Variants in DUT observed in about 807,000 individuals in gnomAD.
DUT encodes deoxyuridine triphosphatase, also known as deoxyuridine 5'-triphosphate nucleotidohydrolase, mitochondrial.
DUT carries 21 observed loss-of-function variants against 28.8 expected under a neutral mutation model. The ratio of observed to expected loss-of-function variants is 0.73; its 90% CI spans 0.52 to 1.05. The LOEUF is 1.05. DUT is among the 50% of genes least tolerant of loss of function. DUT has a pLI of 0.00. For missense variants in DUT, 344 were observed against 351.8 expected (o/e 0.98, Z 0.18); for synonymous variants, 147 against 143.7 (o/e 1.02, Z -0.17).
rs1188599491 is a variant in DUT, at chr15:48,342,258, CAAA to C, written c.*181_*183del. On this transcript the variant is annotated 3_prime_UTR_variant, in exon 7 of 7. Transcript: ENST00000331200. ...AGGAAAAGATCATTAAAAAAAAACACAAAGAAGTTTTTCTTTGTGTTTGGATCA... is the reference window on the plus strand; with the variant it reads ...AGGAAAAGATCATTAAAAAAAAACACGAAGTTTTTCTTTGTGTTTGGATCA... 1.0e-4 allele frequency: 38 copies of C among 379,852 alleles called. No individual in the cohort carries two copies. In the East Asian group the frequency reaches 1.5e-3, roughly 15 times the overall value. 23.5% of individuals were successfully genotyped at this position (379,852 alleles called of 1,614,324 possible).
chr15:48,341,429 T>C (rs2042532401), intron 5 of DUT, 66 bp downstream of exon 5: 1 of 1,534,380 alleles, frequency 6.5e-7, no homozygotes, highest in Admixed American at 1.7e-5. Flanking sequence ...TGTAAATTAA[T>C]ATTGACTCCT....
intron 1 of DUT, 63 bp from the exon 2 acceptor site, chr15:48,332,205 C>T (rs1379173112): frequency 1.3e-6 from 2 of 1,523,030 alleles, no homozygotes; most frequent in Non-Finnish European, 1.8e-6. Flanking sequence ...TCATCGTGCG[C>T]TCTCCTCTTC....
intron 6 of DUT, 23 bp downstream of exon 6, chr15:48,341,608 C>A (rs118063825): frequency 6.9e-4 from 1,081 of 1,564,722 alleles, no homozygotes; most frequent in Non-Finnish European, 9.3e-4. Context: ...AAGGAAGATA[C>A]AGAATAAGTA....
chr15:48,334,762 C>T (rs1379023098), intron 3 of DUT, among the ~76,000 whole-genome samples: 1 of 152,194 alleles, frequency 6.6e-6, no homozygotes, highest in Non-Finnish European at 1.5e-5. Flanking sequence ...GTTCTCAGAA[C>T]ATGGCATTTT....
chr15:48,331,958 G>A, intron 1 of DUT, 163 bp downstream of exon 1: 1 of 876,252 alleles, frequency 1.1e-6, no homozygotes, highest in South Asian at 2.3e-5. Context: ...TCTAGTGTGT[G>A]AGGGCGACGC....
In DUT at chr15:48,342,626, TTG is replaced by T. The variant is rs1471268356; in HGVS notation, c.*551_*552del. On this transcript the variant is annotated 3_prime_UTR_variant, in exon 7 of 7. Coordinates refer to ENST00000331200, the MANE Select transcript of DUT (RefSeq NM_001025248.2). ...AACTTCTTTTTAATCTTAAGATTCT[TTG>T]TGATGAGGGTGAGAAAAAGAATCCT... 6.6e-6 allele frequency: 1 copy of T among 152,186 alleles called. No individual in the cohort carries two copies. The highest frequency in any genetic ancestry group is 1.5e-5 in the Non-Finnish European group (1 of 68,030). The allele number at this position is 152,186 out of a possible 1,614,324, so 9.4% of individuals were successfully genotyped here. A position where few individuals can be genotyped will look rare whatever the true frequency, so the allele number is the denominator to read the frequency against.
chr15:48,332,196 C>A, intron 1 of DUT, 72 bp from the exon 2 acceptor site: 1 of 1,508,582 alleles, frequency 6.6e-7, no homozygotes, highest in Non-Finnish European at 8.8e-7. Flanking sequence ...CGGCGACGCT[C>A]ATCGTGCGCT....
chr15:48,341,172 T>G, intron 4 of DUT, 117 bp from the exon 5 acceptor site: 1 of 635,138 alleles, frequency 1.6e-6, no homozygotes, highest in Non-Finnish European at 2.7e-6. Context: ...CAAGATTCAC[T>G]TATTCAATTG....
In DUT at chr15:48,332,227, T is replaced by A. The variant is rs556770488; in HGVS notation, c.281-41T>A. The stretch of plus-strand genomic sequence containing the variant: ...GCGCTCTCCTCTTCCCCCGGTGGTC[T>A]CCTCGCTCGCCTTCTGGCTCTGCCA... On this transcript the variant is annotated intron_variant, in intron 1 of 6. Coordinates refer to ENST00000331200, the MANE Select transcript of DUT (RefSeq NM_001025248.2). 1.5e-5 allele frequency: 24 copies of A among 1,556,184 alleles called. No individual in the cohort carries two copies. The South Asian group carries it at 2.8e-4, about 18-fold the overall frequency.
In DUT at chr15:48,342,138, GT is replaced by G. The variant is rs1555390724; in HGVS notation, c.*65del. On this transcript the variant is annotated 3_prime_UTR_variant, in exon 7 of 7. Transcript: ENST00000331200. ...CCTTTTTCTTAAAAAAAAAAAAAAA[GT>G]TTTTGCTTCAAGTGTTTTGGTGTTT... 8 of 986,942 alleles carry G rather than the reference GT, an allele frequency of 8.1e-6. No homozygotes were observed. The highest frequency in any genetic ancestry group is 1.1e-5 in the Non-Finnish European group (8 of 703,184). The allele number at this position is 986,942 out of a possible 1,614,324, so 61.1% of individuals were successfully genotyped here.
At position 48,331,526 on chromosome 15, in the gene DUT, T is replaced by G. The variant is rs754260188; in HGVS notation, c.11T>G (p.Leu4Arg). MTP[L>R]CPRPALCYHF... is the part of the protein sequence containing the mutation. Reference sequence around the variant, plus strand: ...CAAACTCTGGGGGAAATGACTCCCCTCTGCCCTCGCCCCGCGCTCTGCTAC... The same window carrying G: ...CAAACTCTGGGGGAAATGACTCCCCGCTGCCCTCGCCCCGCGCTCTGCTAC... Residue 4 changes from leucine (L) to arginine (R), a missense_variant, in exon 1 of 7, where the codon CTC becomes CGC. Coordinates refer to ENST00000331200, the MANE Select transcript of DUT (RefSeq NM_001025248.2). 6.2e-7 allele frequency: 1 copy of G among 1,611,820 alleles called. No individual in the cohort carries two copies. Among genetic ancestry groups the G allele is most frequent in the South Asian group, 1.1e-5 (1 of 90,890 alleles).
intron 2 of DUT, 190 bp downstream of exon 2, chr15:48,332,596 A>G: frequency 1.4e-6 from 1 of 695,772 alleles, no homozygotes; most frequent in Admixed American, 2.4e-5. Context: ...ACTGCAGAAT[A>G]AGTAAAATAG....
Position 48,342,644 on chromosome 15 carries a change from A to G in DUT, c.*566A>G, listed in dbSNP as rs1393005056. ...AGATTCTTTGTGATGAGGGTGAGAA[A>G]AAGAATCCTCAGTTTATTTTTCCAC... On this transcript the variant is annotated 3_prime_UTR_variant, in exon 7 of 7. Transcript: ENST00000331200. The G allele has an allele frequency of 6.6e-6, 1 of 152,168 alleles. No homozygotes were observed. The highest frequency in any genetic ancestry group is 1.5e-5 in the Non-Finnish European group (1 of 68,018). 9.4% of individuals were successfully genotyped at this position (152,168 alleles called of 1,614,324 possible).
intron 4 of DUT, among the ~76,000 whole-genome samples, chr15:48,339,631 A>G (rs540542657): frequency 6.6e-6 from 1 of 152,272 alleles, no homozygotes; most frequent in Non-Finnish European, 1.5e-5. Flanking sequence ...TTAATGGTCA[A>G]CTGACGGTGG....
chr15:48,342,172 C>A lies in DUT; in HGVS notation c.*94C>A. 1.2e-6 allele frequency: 1 copy of A among 808,196 alleles called. No homozygotes were observed. The highest frequency in any genetic ancestry group is 1.8e-6 in the Non-Finnish European group (1 of 553,358). The allele number at this position is 808,196 out of a possible 1,614,324, so 50.1% of individuals were successfully genotyped here. A position where few individuals can be genotyped will look rare whatever the true frequency, so the allele number is the denominator to read the frequency against. On this transcript the variant is annotated 3_prime_UTR_variant, in exon 7 of 7. Coordinates refer to ENST00000331200, the MANE Select transcript of DUT (RefSeq NM_001025248.2). ...TCAAGTGTTTTGGTGTTTTGCACTT[C>A]TGTAAACTTACTAGCTTTACCTTCT...
intron 2 of DUT, 41 bp downstream of exon 2, chr15:48,332,447 G>T (rs932325139): frequency 6.8e-7 from 1 of 1,462,732 alleles, no homozygotes; most frequent in Non-Finnish European, 9.1e-7. Flanking sequence ...GGAAGGGCCG[G>T]CCGTCCGCTG....
intron 6 of DUT, 101 bp downstream of exon 6, chr15:48,341,686 G>A: frequency 1.0e-6 from 1 of 987,006 alleles, no homozygotes; most frequent in Non-Finnish European, 1.5e-6. Context: ...TAACTAAATA[G>A]TATATATGAC....
Position 48,331,551 on chromosome 15 carries a change from C to G in DUT, c.36C>G (p.Tyr12Ter), listed in dbSNP as rs757839418. 6.2e-7 allele frequency: 1 copy of G among 1,611,166 alleles called. No homozygotes were observed. The highest frequency in any genetic ancestry group is 8.5e-7 in the Non-Finnish European group (1 of 1,179,224). Residue 12 changes from tyrosine to a stop codon, truncating the protein, a stop_gained, in exon 1 of 7, where the codon TAC becomes TAG. Transcript: ENST00000331200. LOFTEE classifies it high-confidence loss of function. ...TCTGCCCTCGCCCCGCGCTCTGCTA[C>G]CATTTCCTTACGTCTCTGCTTCGCT... Reference protein sequence around the residue: ...TPLCPRPALCYHFLTSLLRSA... With the variant: ...TPLCPRPALC
chr15:48,337,356 A>G (rs2042486580), intron 4 of DUT, among the ~76,000 whole-genome samples: 3 of 152,200 alleles, frequency 2.0e-5, no homozygotes, highest in Admixed American at 6.5e-5. Context: ...GTTTCAAATG[A>G]TTGTTCAAGG....
Sources: allele counts gnomAD v4.1 joint callset (sites outside exome capture counted in the v4.1 genomes callset), GRCh38; gene constraint gnomAD v4.1.1; transcripts MANE v1.5; gene names NCBI Gene and HGNC (gene_info 2026-07-23, HGNC 2026-07-21).